Variants in RAB11FIP4 observed in about 807,000 individuals in gnomAD.
The protein encoded by RAB11FIP4 is rab11 family-interacting protein 4.
RAB11FIP4 carries 23 observed loss-of-function variants against 74.3 expected under a neutral mutation model. The ratio of observed to expected loss-of-function variants is 0.31; its 90% CI spans 0.22 to 0.44. RAB11FIP4 has a LOEUF of 0.44. Among genes scored for constraint, RAB11FIP4 ranks in the 20% least tolerant of loss-of-function variants. The pLI, the probability that RAB11FIP4 is intolerant of heterozygous loss-of-function variation, is 1.00. For missense variants in RAB11FIP4, 630 were observed against 863.9 expected (o/e 0.73, Z 3.39); for synonymous variants, 360 against 359.9 (o/e 1.00, Z 0.00).
intron 3 of RAB11FIP4, among the ~76,000 whole-genome samples, chr17:31,484,365 C>T (rs568557841): frequency 5.3e-5 from 8 of 151,562 alleles, no homozygotes; most frequent in Non-Finnish European, 1.0e-4. Context: ...GCCACTGCGC[C>T]GGGCCTGACA....
chr17:31,437,881 G>A (rs753473084), intron 3 of RAB11FIP4, among the ~76,000 whole-genome samples: 3 of 152,202 alleles, frequency 2.0e-5, no homozygotes, highest in East Asian at 1.9e-4. Context: ...AGTCTATCCC[G>A]GGCAGTTGAT....
intron 1 of RAB11FIP4, among the ~76,000 whole-genome samples, chr17:31,430,104 G>A (rs1000167076): frequency 2.0e-5 from 3 of 152,164 alleles, no homozygotes; most frequent in Admixed American, 1.3e-4. Context: ...AGGGAGGGAC[G>A]TTTCATAGAG....
intron 1 of RAB11FIP4, among the ~76,000 whole-genome samples, chr17:31,430,622 G>A (rs1298736513): frequency 6.6e-6 from 1 of 152,030 alleles, no homozygotes; most frequent in Admixed American, 6.6e-5. Context: ...GCCTCCCAAA[G>A]TGCTGGGATT....
In RAB11FIP4 at chr17:31,517,686, C is replaced by T. The variant is rs755377305; in HGVS notation, c.372C>T (p.Gly124=). Residue 124 remains glycine, a synonymous_variant, in exon 4 of 15, where the codon GGC becomes GGT. Transcript: ENST00000621161. ...TCACAGGCCCCACCTTTGCTGATGGCGAGCTCATCCCCAGGGAACCCGGCT... is the reference window on the plus strand; with the variant it reads ...TCACAGGCCCCACCTTTGCTGATGGTGAGCTCATCCCCAGGGAACCCGGCT... ...SEVTGPTFAD[G]ELIPREPGFF... 3 of 1,607,568 alleles carry T rather than the reference C, an allele frequency of 1.9e-6. No homozygotes were observed. Among genetic ancestry groups the T allele is most frequent in the East Asian group, 2.2e-5 (1 of 44,786 alleles).
At chr17:31,459,270 T>A (rs1247916050) in intron 3 of RAB11FIP4, among the ~76,000 whole-genome samples, 1 of 152,150 alleles carries the variant, frequency 6.6e-6, no homozygotes, top group Non-Finnish European at 1.5e-5. Context: ...GACTCCTTCC[T>A]CTGAGATGGA....
chr17:31,477,126 A>C (rs1320791021), intron 3 of RAB11FIP4, among the ~76,000 whole-genome samples: 1 of 152,222 alleles, frequency 6.6e-6, no homozygotes, highest in East Asian at 1.9e-4. Context: ...AGCATCACTG[A>C]GATAATTTAG....
At chr17:31,501,739 A>C (rs1368311879) in intron 3 of RAB11FIP4, 1 of 175,504 alleles carries the variant, frequency 5.7e-6, no homozygotes, top group Non-Finnish European at 1.3e-5. Context: ...CATGGTCTCA[A>C]TCTCCTGACC....
intron 3 of RAB11FIP4, among the ~76,000 whole-genome samples, chr17:31,488,593 G>A (rs931505056): frequency 6.6e-6 from 1 of 152,230 alleles, no homozygotes; most frequent in Non-Finnish European, 1.5e-5. Context: ...GATCGGCGTG[G>A]TACCCAGCGC....
chr17:31,430,254 T>C (rs1240199503), intron 1 of RAB11FIP4, among the ~76,000 whole-genome samples: 1 of 151,226 alleles, frequency 6.6e-6, no homozygotes, highest in Non-Finnish European at 1.5e-5. Context: ...CAAAGGCCAG[T>C]GCAGCTAGAG....
At position 31,463,795 on chromosome 17, in the gene RAB11FIP4, C is replaced by T. The variant is rs182513776; in HGVS notation, c.336+29673C>T. On this transcript the variant is annotated intron_variant, in intron 3 of 14. Coordinates refer to ENST00000621161, the MANE Select transcript of RAB11FIP4 (RefSeq NM_032932.6). ...TTGGGATTACAGGTGTGAGCCACTG[C>T]GCCTGGACTTTTTTTTTTTTTTTTT... 1.8e-3 allele frequency among the ~76,000 whole-genome samples: 194 copies of T among 104,986 alleles called. 1 individual carries two copies. Among genetic ancestry groups the T allele is most frequent in the Middle Eastern group, 7.7e-3 (1 of 130 alleles). The allele number at this position is 104,986 out of a possible 152,430, so 68.9% of individuals were successfully genotyped here. A position where few individuals can be genotyped will look rare whatever the true frequency, so the allele number is the denominator to read the frequency against.
chr17:31,522,366 C>G lies in RAB11FIP4; in HGVS notation c.900C>G (p.Asn300Lys). 6.2e-7 allele frequency: 1 copy of G among 1,613,964 alleles called. No individual in the cohort carries two copies. The highest frequency in any genetic ancestry group is 8.5e-7 in the Non-Finnish European group (1 of 1,179,912). The change falls in exon 7 of 15, where the codon AAC becomes AAG. Residue 300 changes from asparagine to lysine, a missense_variant. Asn to Lys is a moderately conservative substitution (Grantham distance 94). Transcript: ENST00000621161. Reference protein sequence around the residue: ...RLKNLKANSPNRKISSTAFGR... With the variant: ...RLKNLKANSPKRKISSTAFGR... Reference sequence around the variant, plus strand: ...GTTTCCTTTCTCTCTCTAGCCCCAACCGAAAGATCTCCAGCACGGCCTTTG... The same window carrying G: ...GTTTCCTTTCTCTCTCTAGCCCCAAGCGAAAGATCTCCAGCACGGCCTTTG...
Position 31,512,393 on chromosome 17 carries a change from C to T in RAB11FIP4, c.337-5258C>T, listed in dbSNP as rs900455055. 5.3e-5 allele frequency among the ~76,000 whole-genome samples: 8 copies of T among 152,278 alleles called. No individual in the cohort carries two copies. The South Asian group carries it at 8.3e-4, about 16-fold the overall frequency. ...TTGTAAGTGGCTGGGCCAGCAGGGC[C>T]GGAAACCCAGACTGCTAGGCCCCAG... On this transcript the variant is annotated intron_variant, in intron 3 of 14. Coordinates refer to ENST00000621161, the MANE Select transcript of RAB11FIP4 (RefSeq NM_032932.6). The surrounding 1 kb of genome is among the most constrained non-coding windows in gnomAD (Gnocchi z 4.1).
chr17:31,470,387 G>A (rs2071726570), intron 3 of RAB11FIP4, among the ~76,000 whole-genome samples: 1 of 152,148 alleles, frequency 6.6e-6, no homozygotes, highest in African/African-American at 2.4e-5. Context: ...TGCTACTTGT[G>A]GCCTTGGAGG....
rs1015181383 is a variant in RAB11FIP4 at position 31,535,322 on chromosome 17, C to G, written c.*3590C>G. The G allele has an allele frequency of 6.6e-6, 1 of 151,230 alleles. No individual in the cohort carries two copies. Among genetic ancestry groups the G allele is most frequent in the Admixed American group, 6.6e-5 (1 of 15,206 alleles). The allele number at this position is 151,230 out of a possible 1,614,324, so 9.4% of individuals were successfully genotyped here. A position where few individuals can be genotyped will look rare whatever the true frequency, so the allele number is the denominator to read the frequency against. ...CGAGGGCCTAAAACAGTGGGCTCAG[C>G]TTTGGCTGTGCATTGGAATCACCTG... is the stretch of plus-strand genomic sequence containing the variant. On this transcript the variant is annotated 3_prime_UTR_variant, in exon 15 of 15. Transcript: ENST00000621161.
chr17:31,475,799 G>GTTTT (rs11451772), intron 3 of RAB11FIP4, among the ~76,000 whole-genome samples: 1 of 142,124 alleles, frequency 7.0e-6, no homozygotes, highest in African/African-American at 2.6e-5. Context: ...TTTTTGTGTG[G>GTTTT]TTTTTTTTTT....
At chr17:31,466,358 C>T (rs1051707212) in intron 3 of RAB11FIP4, among the ~76,000 whole-genome samples, 2 of 152,136 alleles carry the variant, frequency 1.3e-5, no homozygotes, top group African/African-American at 2.4e-5. Context: ...CTTCCCCTGT[C>T]GGTGCCTTTG....
At chr17:31,496,494 T>G (rs1446213340) in intron 3 of RAB11FIP4, among the ~76,000 whole-genome samples, 19 of 152,248 alleles carry the variant, frequency 1.2e-4, no homozygotes, top group Admixed American at 1.1e-3. Context: ...TCCAAGGGCT[T>G]CTTGACTCAG....
In RAB11FIP4 at chr17:31,402,165, T is replaced by A. The variant is rs185399663; in HGVS notation, c.159+10154T>A. Among the ~76,000 whole-genome samples, 31 of 150,200 alleles carry A rather than the reference T, an allele frequency of 2.1e-4. 1 individual carries two copies. In the East Asian group the frequency reaches 5.7e-3, roughly 27 times the overall value. ...CTGTTTATCCACCCTTCTGCCCACT[T>A]CCGTAGCCTCCCCATCTGTCCATGC... On this transcript the variant is annotated intron_variant, in intron 1 of 14. Coordinates refer to ENST00000621161, the MANE Select transcript of RAB11FIP4 (RefSeq NM_032932.6).
In RAB11FIP4 at chr17:31,528,403, C is replaced by T. The variant is rs757173089; in HGVS notation, c.1357-3C>T. The T allele has an allele frequency of 4.4e-5, 71 of 1,611,742 alleles. No homozygotes were observed. Among genetic ancestry groups the T allele is most frequent in the Non-Finnish European group, 5.6e-5 (66 of 1,179,716 alleles). ...CTCCCCTGATCGGGTCTCCCTGCTC[C>T]AGGAGCGGCAGCGCATGTCTGACCG... is the stretch of plus-strand genomic sequence containing the variant. On this transcript the variant is annotated splice_polypyrimidine_tract_variant and splice_region_variant and intron_variant, in intron 11 of 14. Coordinates refer to ENST00000621161, the MANE Select transcript of RAB11FIP4 (RefSeq NM_032932.6).
Sources: gnomAD v4.1 joint callset for allele counts (sites outside exome capture counted in the v4.1 genomes callset) on GRCh38, gnomAD v4.1.1 for gene constraint, Gnocchi (gnomAD v3.1) non-coding constraint, MANE v1.5 for transcripts, NCBI Gene and HGNC (gene_info 2026-07-23, HGNC 2026-07-21) for gene names.